Variants in HDGFL2 observed in about 807,000 individuals in gnomAD.
The protein encoded by HDGFL2 is hepatoma-derived growth factor-related protein 2.
HDGFL2 carries 36 observed loss-of-function variants against 77.1 expected under a neutral mutation model. The observed-to-expected ratio is 0.47, with a 90% CI of 0.36 to 0.62. HDGFL2 has a LOEUF of 0.62. Ranked by LOEUF, HDGFL2 falls within the 20% of genes least tolerant of loss-of-function variation. The pLI is 0.00. For missense variants in HDGFL2, 976 were observed against 973.4 expected (o/e 1.00, Z -0.04); for synonymous variants, 463 against 413.1 (o/e 1.12, Z -1.46).
Position 4,472,453 on chromosome 19 carries a change from G to T in HDGFL2, c.72+31G>T, listed in dbSNP as rs780959330. 6 of 478,240 alleles carry T rather than the reference G, an allele frequency of 1.3e-5. 1 individual carries two copies. Among genetic ancestry groups the T allele is most frequent in the Non-Finnish European group, 1.7e-5 (5 of 300,458 alleles). 29.6% of individuals were successfully genotyped at this position (478,240 alleles called of 1,614,324 possible). On this transcript the variant is annotated intron_variant, in intron 1 of 15. Coordinates refer to ENST00000616600, the MANE Select transcript of HDGFL2 (RefSeq NM_001001520.3). ...GCCGCGCGGGAGATGGGGCCGGTGG[G>T]GGGGGGGGGGGGGGCAGCGGGGGCC...
Position 4,500,869 on chromosome 19 carries a change from G to A in HDGFL2, c.1790-322G>A, listed in dbSNP as rs146804500. On this transcript the variant is annotated intron_variant, in intron 14 of 15. Coordinates refer to ENST00000616600, the MANE Select transcript of HDGFL2 (RefSeq NM_001001520.3). ...TGAGCCTCACGTCTCGGCCTCCCAC[G>A]TGCTGGGATTGTGAGCCCCCGTGCC... is the stretch of plus-strand genomic sequence containing the variant. Among the ~76,000 whole-genome samples the A allele has an allele frequency of 5.8e-3, 880 of 152,296 alleles. 7 individuals are homozygous for A. The highest frequency in any genetic ancestry group is 0.034 in the Middle Eastern group (10 of 294).
intron 14 of HDGFL2, among the ~76,000 whole-genome samples, chr19:4,500,827 G>A (rs1450426293): frequency 6.6e-6 from 1 of 152,080 alleles, no homozygotes; most frequent in African/African-American, 2.4e-5. Flanking sequence ...GGCTGGTCTT[G>A]AACTCCTGGG....
chr19:4,493,262 G>T (rs1266861030), intron 6 of HDGFL2, among the ~76,000 whole-genome samples: 2 of 145,472 alleles, frequency 1.4e-5, no homozygotes, highest in Non-Finnish European at 3.0e-5. Context: ...GTCTGTGTGT[G>T]TGTGTGGTGT....
intron 8 of HDGFL2, 21 bp downstream of exon 8, chr19:4,494,078 C>G (rs2145202588): frequency 6.3e-7 from 1 of 1,575,772 alleles, no homozygotes; most frequent in East Asian, 2.3e-5. Context: ...GGGCTGGGGT[C>G]CCCTCTGGCG....
intron 3 of HDGFL2, among the ~76,000 whole-genome samples, chr19:4,486,699 C>T (rs1190118163): frequency 6.6e-6 from 1 of 151,926 alleles, no homozygotes; most frequent in Admixed American, 6.6e-5. Context: ...ATACACCTGG[C>T]GCTCATACAT....
chr19:4,502,073 G>A lies in HDGFL2; in HGVS notation c.*63G>A, dbSNP rs767717333. The A allele has an allele frequency of 6.2e-5, 72 of 1,163,700 alleles. 1 individual carries two copies. The highest frequency in any genetic ancestry group is 5.5e-4 in the South Asian group (42 of 76,506). The allele number at this position is 1,163,700 out of a possible 1,614,324, so 72.1% of individuals were successfully genotyped here. A position where few individuals can be genotyped will look rare whatever the true frequency, so the allele number is the denominator to read the frequency against. On this transcript the variant is annotated 3_prime_UTR_variant, in exon 16 of 16. Coordinates refer to ENST00000616600, the MANE Select transcript of HDGFL2 (RefSeq NM_001001520.3). ...GGCTGCCCCTCTCCTTCCCCGGCTC[G>A]CAGGAGAGCAGAGCAGAGAACTGTG...
intron 3 of HDGFL2, among the ~76,000 whole-genome samples, chr19:4,482,026 CTTTT>C (rs34398630): frequency 1.4e-5 from 1 of 71,664 alleles, no homozygotes; most frequent in Admixed American, 2.3e-4. Context: ...TGGCTTTGGC[CTTTT>C]TTTTTTTTTT....
chr19:4,485,379 G>A (rs546852572), intron 3 of HDGFL2, among the ~76,000 whole-genome samples: 1 of 152,068 alleles, frequency 6.6e-6, no homozygotes, highest in South Asian at 2.1e-4. Flanking sequence ...CTATCCTATT[G>A]TTATACCACG....
intron 10 of HDGFL2, chr19:4,497,108 C>T (rs1317656391): frequency 6.9e-6 from 3 of 435,688 alleles, no homozygotes; most frequent in African/African-American, 2.0e-5. Flanking sequence ...CTCCTGACCC[C>T]GTGATCTGCC....
intron 3 of HDGFL2, among the ~76,000 whole-genome samples, chr19:4,476,932 C>A (rs1234230663): frequency 1.3e-5 from 2 of 150,584 alleles, no homozygotes; most frequent in Non-Finnish European, 3.0e-5. Flanking sequence ...GCTGGGGGGG[C>A]ATGAATTTGG....
At chr19:4,492,149 A>G (rs1196883332) in intron 6 of HDGFL2, among the ~76,000 whole-genome samples, 1 of 152,126 alleles carries the variant, frequency 6.6e-6, no homozygotes, top group African/African-American at 2.4e-5. Flanking sequence ...AAGAGAGGAG[A>G]GAGGTGTGTG....
At chr19:4,482,736 C>T (rs1975252139) in intron 3 of HDGFL2, among the ~76,000 whole-genome samples, 1 of 152,220 alleles carries the variant, frequency 6.6e-6, no homozygotes, top group Non-Finnish European at 1.5e-5. Flanking sequence ...GCTGTGTGAT[C>T]CTGAGCTGTT....
intron 3 of HDGFL2, 38 bp from the exon 4 acceptor site, chr19:4,488,638 C>G (rs1172114338): frequency 1.3e-6 from 2 of 1,519,608 alleles, no homozygotes; most frequent in African/African-American, 2.8e-5. Context: ...CCACCCACGA[C>G]TGGTGGTGAC....
At position 4,493,873 on chromosome 19, in the gene HDGFL2, C is replaced by T. The variant is rs765157868; in HGVS notation, c.838+11C>T. 6 of 1,502,738 alleles carry T rather than the reference C, an allele frequency of 4.0e-6. No homozygotes were observed. In the South Asian group the frequency reaches 6.4e-5, roughly 16 times the overall value. The allele number at this position is 1,502,738 out of a possible 1,614,324, so 93.1% of individuals were successfully genotyped here. On this transcript the variant is annotated intron_variant, in intron 7 of 15. Transcript: ENST00000616600. The stretch of plus-strand genomic sequence containing the variant: ...GGGGCAGGAAGCCAGGTAGGGCCCT[C>T]GTGCTCGCACATCTCTTGGCCTGGC...
intron 6 of HDGFL2, among the ~76,000 whole-genome samples, chr19:4,492,415 G>A (rs1387291142): frequency 6.6e-5 from 10 of 151,732 alleles, no homozygotes. Flanking sequence ...TCTCCTCTGC[G>A]TCTATGTGTT....
chr19:4,474,691 C>A (rs546710474), intron 1 of HDGFL2, among the ~76,000 whole-genome samples: 1 of 152,120 alleles, frequency 6.6e-6, no homozygotes, highest in Non-Finnish European at 1.5e-5. Flanking sequence ...TTCTCTCCCC[C>A]GTCCCCCCTT....
chr19:4,480,959 C>A (rs1975197481), intron 3 of HDGFL2, among the ~76,000 whole-genome samples: 1 of 151,478 alleles, frequency 6.6e-6, no homozygotes, highest in East Asian at 2.0e-4. Flanking sequence ...CGGGTTCAAG[C>A]TATTCTCCTG....
intron 9 of HDGFL2, 90 bp from the exon 10 acceptor site, chr19:4,496,212 C>A: frequency 9.5e-7 from 1 of 1,049,926 alleles, no homozygotes; most frequent in Non-Finnish European, 1.5e-6. Context: ...CAGAAAGGGT[C>A]GAGCTGCATC....
At chr19:4,478,813 T>C (rs1318965147) in intron 3 of HDGFL2, among the ~76,000 whole-genome samples, 4 of 151,748 alleles carry the variant, frequency 2.6e-5, no homozygotes. Context: ...GCCTCCCAAG[T>C]AGCTGGGACT....
Sources: allele counts gnomAD v4.1 joint callset (sites outside exome capture counted in the v4.1 genomes callset), GRCh38; gene constraint gnomAD v4.1.1; transcripts MANE v1.5; gene names NCBI Gene and HGNC (gene_info 2026-07-23, HGNC 2026-07-21).